DPP6: variants seen among roughly 807,000 people sequenced by gnomAD.
DPP6 encodes the protein A-type potassium channel modulatory protein DPP6.
Under a neutral mutation model 122.6 loss-of-function variants are expected in DPP6, and 69 were observed. The ratio of observed to expected loss-of-function variants is 0.56; its 90% CI spans 0.46 to 0.69. The LOEUF (loss-of-function observed/expected upper bound fraction) is 0.69, where lower values mean the gene tolerates loss of function less well. Ranked by LOEUF, DPP6 falls within the 30% of genes least tolerant of loss-of-function variation. The pLI is 0.00. For synonymous variants in DPP6, 418 were observed against 433.1 expected (o/e 0.97, Z 0.43); for missense variants, 928 against 1,116.9 (o/e 0.83, Z 2.41).
intron 5 of DPP6, among the ~76,000 whole-genome samples, chr7:154,628,686 T>C (rs368650155): frequency 6.6e-6 from 1 of 151,928 alleles, no homozygotes; most frequent in African/African-American, 2.4e-5. Context: ...GGGTGGAAAA[T>C]GGGGAAAGTC....
At chr7:154,254,658 A>G (rs183278281) in intron 1 of DPP6, among the ~76,000 whole-genome samples, 1 of 152,230 alleles carries the variant, frequency 6.6e-6, no homozygotes, top group East Asian at 1.9e-4. Flanking sequence ...ACAGGGCTTG[A>G]CTTGATGTGT....
intron 1 of DPP6, among the ~76,000 whole-genome samples, chr7:154,374,690 C>A (rs1361799528): frequency 6.6e-6 from 1 of 151,580 alleles, no homozygotes; most frequent in Non-Finnish European, 1.5e-5. Context: ...CAGCTCACTG[C>A]AACTTCCGAC....
intron 1 of DPP6, among the ~76,000 whole-genome samples, chr7:154,284,891 A>G (rs925881195): frequency 6.6e-6 from 1 of 152,172 alleles, no homozygotes; most frequent in African/African-American, 2.4e-5. Flanking sequence ...ATTATGCCAA[A>G]TGACATAAAC....
chr7:154,127,597 T>TCTCTCACACACA (rs1438098845), intron 1 of DPP6, among the ~76,000 whole-genome samples: 3 of 136,742 alleles, frequency 2.2e-5, no homozygotes, highest in African/African-American at 9.2e-5. Flanking sequence ...GAGCAGCATC[T>TCTCTCACACACA]CACACACACA....
At chr7:154,631,085 A>G (rs9642647) in intron 5 of DPP6, among the ~76,000 whole-genome samples, 76,061 of 152,148 alleles carry the variant, frequency 0.5, 19,475 homozygotes, top group African/African-American at 0.62. Context: ...ATATAAGTTT[A>G]GAACTCAGAA....
chr7:154,031,911 G>C (rs1799255972), intron 1 of DPP6, among the ~76,000 whole-genome samples: 2 of 149,358 alleles, frequency 1.3e-5, no homozygotes, highest in African/African-American at 4.9e-5. Context: ...ACCCAGGCTG[G>C]AGCGCAGTGG....
intron 1 of DPP6, among the ~76,000 whole-genome samples, chr7:153,903,515 T>G (rs1449009036): frequency 6.6e-6 from 1 of 152,192 alleles, no homozygotes; most frequent in East Asian, 1.9e-4. Flanking sequence ...GGTAGAAAAT[T>G]AGTATCCCAC....
rs1815815402 is a variant in DPP6, at chr7:154,403,448, G to A, written c.244-42766G>A. On this transcript the variant is annotated intron_variant, in intron 1 of 25. Transcript: ENST00000377770. This position sits in a 1 kb window ranked among gnomAD's most constrained non-coding sequence, Gnocchi z 4.1. The stretch of plus-strand genomic sequence containing the variant: ...GAAGGATCCAGAATGGCAGAGAGGG[G>A]AAATGGGGGCAGCCATGCATGAAGA... Among the ~76,000 whole-genome samples, 1 of 152,206 alleles carries A rather than the reference G, an allele frequency of 6.6e-6. No individual in the cohort carries two copies. Among genetic ancestry groups the A allele is most frequent in the African/African-American group, 2.4e-5 (1 of 41,464 alleles).
upstream of DPP6, among the ~76,000 whole-genome samples, chr7:153,884,987 A>AATACAT (rs1209555021): frequency 3.9e-3 from 456 of 116,436 alleles, 11 homozygotes; most frequent in African/African-American, 7.5e-3. Context: ...TCAAAACAAA[A>AATACAT]ATATATATAT....
intron 1 of DPP6, among the ~76,000 whole-genome samples, chr7:154,174,762 C>G (rs1285074030): frequency 6.6e-6 from 1 of 152,148 alleles, no homozygotes; most frequent in Non-Finnish European, 1.5e-5. Context: ...TGCTCATTTC[C>G]TGCTTCTCCA....
At chr7:154,110,496 CAAG>C (rs1343086532) in intron 1 of DPP6, among the ~76,000 whole-genome samples, 2 of 152,102 alleles carry the variant, frequency 1.3e-5, no homozygotes, top group African/African-American at 4.8e-5. Context: ...TTAAAATAGA[CAAG>C]AAGGACAGAA....
intron 1 of DPP6, among the ~76,000 whole-genome samples, chr7:153,915,322 A>C (rs1800260757): frequency 6.6e-6 from 1 of 152,124 alleles, no homozygotes; most frequent in Non-Finnish European, 1.5e-5. Flanking sequence ...TGACACCCCC[A>C]GTCCCTAGCT....
chr7:153,777,223 A>G, the DPP6 span, among the ~76,000 whole-genome samples: 1 of 152,348 alleles, frequency 6.6e-6, no homozygotes, highest in East Asian at 1.9e-4. Context: ...CTAAAGAACA[A>G]CAAAGCAACA....
chr7:154,030,841 T>C (rs1799188770), intron 1 of DPP6, among the ~76,000 whole-genome samples: 1 of 152,160 alleles, frequency 6.6e-6, no homozygotes, highest in Non-Finnish European at 1.5e-5. Flanking sequence ...TGGAAGCAGC[T>C]GTCACTGTTT....
At chr7:154,475,101 G>A (rs755786377) in intron 3 of DPP6, 64 bp downstream of exon 3, 18 of 1,246,740 alleles carry the variant, frequency 1.4e-5, no homozygotes, top group Non-Finnish European at 1.8e-5. Flanking sequence ...CTTTCAATAG[G>A]TTGGGTCTAG....
the DPP6 span, among the ~76,000 whole-genome samples, chr7:153,755,668 A>C: frequency 6.6e-6 from 1 of 151,938 alleles, no homozygotes. Context: ...TCCTCAGTCT[A>C]TCCTGCTTAG....
At position 154,063,204 on chromosome 7, in the gene DPP6, G is replaced by A. The variant is rs567732045; in HGVS notation, c.243+10141G>A. Among the ~76,000 whole-genome samples, 384 of 128,028 alleles carry A rather than the reference G, an allele frequency of 3.0e-3. 36 individuals are homozygous for A. Among genetic ancestry groups the A allele is most frequent in the African/African-American group, 0.011 (375 of 34,624 alleles). The allele number at this position is 128,028 out of a possible 152,430, so 84.0% of individuals were successfully genotyped here. ...TTAGTACCCCCATCGCAGGGTTGGG[G>A]AGGCACCCCCCCGCGAGGCAGGGAC... On this transcript the variant is annotated intron_variant, in intron 1 of 25. Coordinates refer to ENST00000377770, the MANE Select transcript of DPP6 (RefSeq NM_130797.4).
intron 1 of DPP6, among the ~76,000 whole-genome samples, chr7:154,172,188 A>T (rs765923055): frequency 6.6e-6 from 1 of 151,828 alleles, no homozygotes; most frequent in Non-Finnish European, 1.5e-5. Context: ...ATGAACATCA[A>T]CTATGTGCCA....
At chr7:153,834,718 T>C in the DPP6 span, among the ~76,000 whole-genome samples, 1 of 152,192 alleles carries the variant, frequency 6.6e-6, no homozygotes, top group Non-Finnish European at 1.5e-5. Context: ...GCAAGCTGCA[T>C]TTGCTGGAAC....
Sources: allele counts gnomAD v4.1 joint callset (sites outside exome capture counted in the v4.1 genomes callset), GRCh38; gene constraint gnomAD v4.1.1; non-coding constraint Gnocchi (gnomAD v3.1); transcripts MANE v1.5; gene names NCBI Gene and HGNC (gene_info 2026-07-23, HGNC 2026-07-21).